Variants in ZNF577 observed in about 807,000 individuals in gnomAD.
ZNF577 encodes the protein zinc finger protein 577.
A neutral mutation model predicts 13.9 loss-of-function variants in ZNF577; 14 were observed. The observed-to-expected ratio is 1.00, with a 90% CI of 0.66 to 1.57. The LOEUF (loss-of-function observed/expected upper bound fraction) is 1.57. Ranked by LOEUF, ZNF577 falls within the 40% of genes most tolerant of loss-of-function variation. ZNF577 has a pLI of 0.00. For missense variants in ZNF577, 555 were observed against 579.2 expected (o/e 0.96, Z 0.43); for synonymous variants, 203 against 202.9 (o/e 1.00, Z 0.00).
downstream of ZNF577, among the ~76,000 whole-genome samples, chr19:51,866,221 GA>G (rs1264350241): frequency 6.6e-6 from 1 of 151,948 alleles, no homozygotes; most frequent in Non-Finnish European, 1.5e-5. Context: ...AGGTGTCTAT[GA>G]ACAGCACAGA....
chr19:51,845,769 C>T (rs952065032), intron 5 of ZNF577, among the ~76,000 whole-genome samples: 1 of 152,200 alleles, frequency 6.6e-6, no homozygotes, highest in Admixed American at 6.5e-5. Flanking sequence ...TAATGTATTC[C>T]AAGTTCATCT....
At chr19:51,877,627 C>T in intron 4 of ZNF577, 1 of 341,652 alleles carries the variant, frequency 2.9e-6, no homozygotes. Context: ...CAATTGTTGG[C>T]AAAGATGTGG....
chr19:51,823,235 C>T (rs2084203814), intron 9 of ZNF577, among the ~76,000 whole-genome samples: 1 of 152,034 alleles, frequency 6.6e-6, no homozygotes, highest in African/African-American at 2.4e-5. Flanking sequence ...CAATCCAAAC[C>T]CTAAAACTTC....
chr19:51,829,156 T>G (rs2084247865), intron 9 of ZNF577, among the ~76,000 whole-genome samples: 1 of 152,086 alleles, frequency 6.6e-6, no homozygotes, highest in Non-Finnish European at 1.5e-5. Flanking sequence ...CCTGGCCGAA[T>G]GACAGATGAA....
intron 9 of ZNF577, among the ~76,000 whole-genome samples, chr19:51,823,086 C>T (rs1478141286): frequency 6.6e-6 from 1 of 152,096 alleles, no homozygotes; most frequent in Non-Finnish European, 1.5e-5. Flanking sequence ...CAGTCTCCAA[C>T]TCCTGATCTC....
chr19:51,857,369 A>G (rs371828820), intron 5 of ZNF577, among the ~76,000 whole-genome samples: 102 of 61,722 alleles, frequency 1.7e-3, no homozygotes, highest in African/African-American at 5.9e-3. Context: ...AAGGAAGGAA[A>G]GAAAGAAAGA....
chr19:51,884,690 C>A (rs150128543), intron 1 of ZNF577, among the ~76,000 whole-genome samples: 7 of 151,978 alleles, frequency 4.6e-5, no homozygotes, highest in Admixed American at 4.6e-4. Flanking sequence ...CATTGATTTT[C>A]ATCCTTCCTT....
At chr19:51,815,088 G>A (rs1409059929) in intron 9 of ZNF577, among the ~76,000 whole-genome samples, 1 of 152,156 alleles carries the variant, frequency 6.6e-6, no homozygotes, top group Non-Finnish European at 1.5e-5. Context: ...GGGATTGCAG[G>A]CGCGAGCCAC....
chr19:51,878,222 C>A (rs1331197548), intron 4 of ZNF577, 167 bp downstream of exon 4: 5 of 637,426 alleles, frequency 7.8e-6, no homozygotes, highest in Non-Finnish European at 1.2e-5. Context: ...ACCCACTGAA[C>A]TGCACGCTTA....
downstream of ZNF577, among the ~76,000 whole-genome samples, chr19:51,864,138 ATGAATATT>A (rs1191332621): frequency 6.6e-6 from 1 of 152,192 alleles, no homozygotes; most frequent in African/African-American, 2.4e-5. Flanking sequence ...ATATTATGGC[ATGAATATT>A]TTTAGGCTTG....
At chr19:51,848,725 G>A (rs931121218) in intron 5 of ZNF577, among the ~76,000 whole-genome samples, 3 of 152,156 alleles carry the variant, frequency 2.0e-5, no homozygotes, top group Non-Finnish European at 4.4e-5. Context: ...CCAGACATTT[G>A]TCAATACTGT....
At chr19:51,830,020 C>A (rs1316705675) in intron 9 of ZNF577, among the ~76,000 whole-genome samples, 2 of 152,010 alleles carry the variant, frequency 1.3e-5, no homozygotes, top group Non-Finnish European at 2.9e-5. Context: ...TAGATTTTCT[C>A]CTGTTATCTT....
rs1362886776 is a variant in ZNF577 at position 51,872,042 on chromosome 19, A to C, written c.*490T>G. 1 of 153,642 alleles carries C rather than the reference A, an allele frequency of 6.5e-6. No homozygotes were observed. Among genetic ancestry groups the C allele is most frequent in the Non-Finnish European group, 1.4e-5 (1 of 69,180 alleles). The allele number at this position is 153,642 out of a possible 1,614,324, so 9.5% of individuals were successfully genotyped here. ...TATATTCATAGGTTTTCATTACATAATACTATTCCTGGGGTTCAAGATTTC... is the reference window on the plus strand; with the variant it reads ...TATATTCATAGGTTTTCATTACATACTACTATTCCTGGGGTTCAAGATTTC... On this transcript the variant is annotated 3_prime_UTR_variant, in exon 6 of 6. Transcript: ENST00000638348.
exon 11 of ZNF577, chr19:51,805,170 C>T (rs2084050177): frequency 6.6e-6 from 1 of 152,196 alleles, no homozygotes; most frequent in African/African-American, 2.4e-5. Context: ...CTGCATATCC[C>T]CCTGTTTATG....
intron 9 of ZNF577, among the ~76,000 whole-genome samples, chr19:51,819,381 A>G (rs1167274234): frequency 6.6e-6 from 1 of 152,200 alleles, no homozygotes; most frequent in Non-Finnish European, 1.5e-5. Flanking sequence ...AGAATGTGGG[A>G]CACCCTAAAT....
intron 9 of ZNF577, among the ~76,000 whole-genome samples, chr19:51,811,900 A>G (rs914688248): frequency 6.6e-6 from 1 of 152,150 alleles, no homozygotes; most frequent in Admixed American, 6.5e-5. Context: ...CAGTGGAATG[A>G]TGAGTTGGTC....
chr19:51,870,026 C>T lies in ZNF577; in HGVS notation c.*2506G>A, dbSNP rs548384404. On this transcript the variant is annotated 3_prime_UTR_variant, in exon 6 of 6. Transcript: ENST00000638348. Reference sequence around the variant, plus strand: ...GGTGCTGATTGCTGGTAATTGCCTCCTTCTGGTCCCTCCCTGGGAGGATTA... The same window carrying T: ...GGTGCTGATTGCTGGTAATTGCCTCTTTCTGGTCCCTCCCTGGGAGGATTA... Among the ~76,000 whole-genome samples the T allele has an allele frequency of 1.2e-4, 19 of 152,324 alleles. No homozygotes were observed. The highest frequency in any genetic ancestry group is 4.3e-4 in the African/African-American group (18 of 41,578).
Position 51,869,274 on chromosome 19 carries a change from A to G in ZNF577, c.*3258T>C, listed in dbSNP as rs1259214779. ...CGTACATTCTATTTGCTGAGATAGG[A>G]GAAAACCACCTTATGGCTGGATGTG... On this transcript the variant is annotated 3_prime_UTR_variant, in exon 6 of 6. Transcript: ENST00000638348. 6.6e-6 allele frequency among the ~76,000 whole-genome samples: 1 copy of G among 152,222 alleles called. No individual in the cohort carries two copies. The highest frequency in any genetic ancestry group is 1.5e-5 in the Non-Finnish European group (1 of 68,030).
intron 9 of ZNF577, among the ~76,000 whole-genome samples, chr19:51,828,588 A>G (rs1447695341): frequency 2.0e-5 from 3 of 151,864 alleles, no homozygotes; most frequent in Non-Finnish European, 4.4e-5. Flanking sequence ...AGGAGTTTTC[A>G]TTGTGGAGTC....
Sources: gnomAD v4.1 joint callset for allele counts (sites outside exome capture counted in the v4.1 genomes callset) on GRCh38, gnomAD v4.1.1 for gene constraint, MANE v1.5 for transcripts, NCBI Gene and HGNC (gene_info 2026-07-23, HGNC 2026-07-21) for gene names.